Variants in DAB2IP observed in about 807,000 individuals in gnomAD.
DAB2IP encodes the protein DAB2 interacting protein.
In DAB2IP, 28 loss-of-function variants were observed where a neutral mutation model predicts 107.2. The observed-to-expected ratio is 0.26, with a 90% CI of 0.19 to 0.36. DAB2IP has a LOEUF of 0.36. DAB2IP is among the 10% of genes least tolerant of loss of function. The probability of loss-of-function intolerance (pLI) is 1.00; values close to 1 mark genes in which losing one functional copy is unlikely to be tolerated. For synonymous variants in DAB2IP, 755 were observed against 706.4 expected (o/e 1.07, Z -1.09); for missense variants, 1,400 against 1,644.7 (o/e 0.85, Z 2.57).
intron 3 of DAB2IP, chr9:121,737,418 T>A (rs1235925406): frequency 5.1e-6 from 5 of 985,342 alleles, no homozygotes; most frequent in Non-Finnish European, 6.0e-6. Context: ...AGACACAGAT[T>A]CAGCACGTGC....
intron 2 of DAB2IP, among the ~76,000 whole-genome samples, chr9:121,690,893 C>A (rs981045938): frequency 1.3e-4 from 20 of 152,114 alleles, no homozygotes; most frequent in African/African-American, 4.6e-4. Flanking sequence ...CCAGGGCAGC[C>A]AGACTCCCCG....
At chr9:121,654,754 C>A (rs1832906294) in intron 1 of DAB2IP, among the ~76,000 whole-genome samples, 1 of 152,208 alleles carries the variant, frequency 6.6e-6, no homozygotes, top group African/African-American at 2.4e-5. Flanking sequence ...GGGGCTTGGT[C>A]CCATGGTGTG....
chr9:121,577,366 C>T (rs1463785149), intron 1 of DAB2IP, among the ~76,000 whole-genome samples: 2 of 152,200 alleles, frequency 1.3e-5, no homozygotes, highest in Non-Finnish European at 2.9e-5. Context: ...ACCCCAGGCT[C>T]GAAGCGTTCC....
At chr9:121,606,255 T>C (rs1345008371) in intron 1 of DAB2IP, among the ~76,000 whole-genome samples, 7 of 152,012 alleles carry the variant, frequency 4.6e-5, no homozygotes, top group African/African-American at 1.7e-4. Flanking sequence ...TCCCAGCTAC[T>C]CAGGAGGCTG....
chr9:121,767,573 C>T (rs184790250), intron 9 of DAB2IP, among the ~76,000 whole-genome samples: 1 of 152,272 alleles, frequency 6.6e-6, no homozygotes, highest in Non-Finnish European at 1.5e-5. Context: ...TCAGGAGAAG[C>T]GGGCGATGAG....
At chr9:121,607,888 C>G (rs980305657) in intron 1 of DAB2IP, among the ~76,000 whole-genome samples, 1 of 152,226 alleles carries the variant, frequency 6.6e-6, no homozygotes, top group Non-Finnish European at 1.5e-5. Flanking sequence ...CTGAGTCTAC[C>G]AGGCAACGGC....
exon 4 of DAB2IP, chr9:121,757,159 G>C (rs753077703): frequency 4.3e-6 from 7 of 1,613,820 alleles, no homozygotes; most frequent in Non-Finnish European, 5.1e-6. Context: ...CAGGACTACT[G>C]CTTCGAGGTG....
intron 1 of DAB2IP, among the ~76,000 whole-genome samples, chr9:121,588,271 C>A (rs1830348652): frequency 6.6e-6 from 1 of 152,074 alleles, no homozygotes; most frequent in Non-Finnish European, 1.5e-5. Flanking sequence ...TCAAGAAGAG[C>A]CGGCCTCTCC....
intron 3 of DAB2IP, among the ~76,000 whole-genome samples, chr9:121,749,981 C>T (rs1277139021): frequency 6.6e-6 from 1 of 152,128 alleles, no homozygotes; most frequent in African/African-American, 2.4e-5. Flanking sequence ...CTCCTGACAT[C>T]GTGGCTGGCA....
At position 121,635,336 on chromosome 9, in the gene DAB2IP, G is replaced by A. The variant is rs1295834932; in HGVS notation, c.41-43342G>A. Reference sequence around the variant, plus strand: ...CTCATTTCAGTCTCCAACATCTTGTGAGGAAGTTAATTCCATCCTTATTTT... The same window carrying A: ...CTCATTTCAGTCTCCAACATCTTGTAAGGAAGTTAATTCCATCCTTATTTT... On this transcript the variant is annotated intron_variant, in intron 1 of 16. Coordinates refer to the DAB2IP transcript ENST00000259371. This position sits in a 1 kb window ranked among gnomAD's most constrained non-coding sequence, Gnocchi z 4.3. Among the ~76,000 whole-genome samples, 1 of 152,244 alleles carries A rather than the reference G, an allele frequency of 6.6e-6. No individual in the cohort carries two copies. Among genetic ancestry groups the A allele is most frequent in the African/African-American group, 2.4e-5 (1 of 41,470 alleles).
At chr9:121,683,321 C>G (rs1828690658) in intron 2 of DAB2IP, among the ~76,000 whole-genome samples, 1 of 152,196 alleles carries the variant, frequency 6.6e-6, no homozygotes, top group Admixed American at 6.5e-5. Context: ...GCTCCTTAGC[C>G]TGCTCCCTTC....
intron 1 of DAB2IP, among the ~76,000 whole-genome samples, chr9:121,612,669 A>G (rs557776967): frequency 6.6e-6 from 1 of 152,134 alleles, no homozygotes; most frequent in East Asian, 1.9e-4. Flanking sequence ...TCCTCCTTAG[A>G]GAGAGAGCCT....
intron 1 of DAB2IP, among the ~76,000 whole-genome samples, chr9:121,581,500 CT>C (rs1830193778): frequency 1.3e-5 from 2 of 152,166 alleles, no homozygotes; most frequent in Admixed American, 1.3e-4. Context: ...TGTGCCAGAG[CT>C]CATAGAACTC....
At chr9:121,693,610 C>T (rs1419158089) in intron 2 of DAB2IP, among the ~76,000 whole-genome samples, 1 of 152,210 alleles carries the variant, frequency 6.6e-6, no homozygotes, top group Non-Finnish European at 1.5e-5. Flanking sequence ...GAGGGAGGGC[C>T]CACAGGGTTC....
intron 3 of DAB2IP, chr9:121,737,650 A>AG: frequency 1.0e-6 from 1 of 985,448 alleles, no homozygotes; most frequent in Non-Finnish European, 1.2e-6. Flanking sequence ...ATCTGGCTCC[A>AG]GAGCCTCGGG....
chr9:121,765,422 G>C (rs1286653370), intron 8 of DAB2IP, among the ~76,000 whole-genome samples: 1 of 152,250 alleles, frequency 6.6e-6, no homozygotes, highest in Non-Finnish European at 1.5e-5. Context: ...TTCCCCGCTA[G>C]GTGTGCCCTT....
At chr9:121,580,278 G>A (rs1266873913) in intron 1 of DAB2IP, among the ~76,000 whole-genome samples, 1 of 152,190 alleles carries the variant, frequency 6.6e-6, no homozygotes, top group Non-Finnish European at 1.5e-5. Context: ...CTGGGTCTCT[G>A]CTTTAGGGAA....
intron 6 of DAB2IP, 109 bp from the exon 7 acceptor site, chr9:121,763,396 G>T: frequency 6.9e-7 from 1 of 1,449,082 alleles, no homozygotes. Context: ...GCAGCTTGGT[G>T]ATGGAACAGC....
In DAB2IP at chr9:121,772,410, G is replaced by A. The variant is rs1471430077; in HGVS notation, c.2079-197G>A. ...TGCTGGCCCCTAAAGAAGAGGTTCT[G>A]TGCAGGAGCAGCCGCCTCAGCCTCT... On this transcript the variant is annotated intron_variant, in intron 11 of 15. Transcript: ENST00000408936. This position sits in a 1 kb window ranked among gnomAD's most constrained non-coding sequence, Gnocchi z 4.7. Among the ~76,000 whole-genome samples, 1 of 152,156 alleles carries A rather than the reference G, an allele frequency of 6.6e-6. No individual in the cohort carries two copies. The highest frequency in any genetic ancestry group is 1.5e-5 in the Non-Finnish European group (1 of 68,026).
Sources: gnomAD v4.1 joint callset for allele counts (sites outside exome capture counted in the v4.1 genomes callset) on GRCh38, gnomAD v4.1.1 for gene constraint, Gnocchi (gnomAD v3.1) non-coding constraint, MANE v1.5 for transcripts, NCBI Gene and HGNC (gene_info 2026-07-23, HGNC 2026-07-21) for gene names.